The following ANO4 variants were observed in gnomAD, a reference collection of about 807,000 sequenced individuals.
The protein encoded by ANO4 is anoctamin 4.
ANO4 carries 69 observed loss-of-function variants against 141.9 expected under a neutral mutation model. That is an observed-to-expected ratio of 0.49 (90% CI 0.40 to 0.59). The LOEUF (loss-of-function observed/expected upper bound fraction) is 0.59, where lower values mean the gene tolerates loss of function less well. ANO4 is among the 20% of genes least tolerant of loss of function. The pLI, the probability that ANO4 is intolerant of heterozygous loss-of-function variation, is 0.00. For missense variants in ANO4, 894 were observed against 1,162.2 expected (o/e 0.77, Z 3.36); for synonymous variants, 350 against 394.3 (o/e 0.89, Z 1.33).
intron 1 of ANO4, among the ~76,000 whole-genome samples, chr12:100,818,357 G>C (rs1565902925): frequency 6.6e-6 from 1 of 151,786 alleles, no homozygotes; most frequent in Non-Finnish European, 1.5e-5. Flanking sequence ...TTTAATAAAG[G>C]GAATGGAGAT....
Position 101,048,033 on chromosome 12 carries a change from T to C in ANO4, c.1252-308T>C, listed in dbSNP as rs926504485. The stretch of plus-strand genomic sequence containing the variant: ...AAATATAACTATATCCATACACATA[T>C]GTACGTGTATAAGAGTTTTGTTGTG... On this transcript the variant is annotated intron_variant, in intron 13 of 27. Transcript: ENST00000392977. The C allele has an allele frequency of 3.6e-6, 4 of 1,125,536 alleles. No individual in the cohort carries two copies. In the East Asian group the frequency reaches 2.1e-4, roughly 59 times the overall value. 69.7% of individuals were successfully genotyped at this position (1,125,536 alleles called of 1,614,324 possible).
At chr12:101,085,460 A>G (rs564713340) in intron 16 of ANO4, among the ~76,000 whole-genome samples, 1 of 152,340 alleles carries the variant, frequency 6.6e-6, no homozygotes, top group African/African-American at 2.4e-5. Context: ...AACTATTTAC[A>G]TAACATTTAC....
At chr12:100,733,906 GA>G in intron 2 of ANO4, 2 of 669,834 alleles carry the variant, frequency 3.0e-6, no homozygotes, top group Non-Finnish European at 5.4e-6. Flanking sequence ...TTATTGCCTG[GA>G]AAAGCTGGAG....
rs565395887 is a variant in ANO4, at chr12:101,068,625, TAAG to T, written c.1313-10567_1313-10565del. 7 of 1,384,382 alleles carry T rather than the reference TAAG, an allele frequency of 5.1e-6. No individual in the cohort carries two copies. In the African/African-American group the frequency reaches 9.9e-5, roughly 20 times the overall value. 85.8% of individuals were successfully genotyped at this position (1,384,382 alleles called of 1,614,324 possible). A position where few individuals can be genotyped will look rare whatever the true frequency, so the allele number is the denominator to read the frequency against. On this transcript the variant is annotated intron_variant, in intron 14 of 27. Coordinates refer to ENST00000392977, the MANE Select transcript of ANO4 (RefSeq NM_001286615.2). ...CTGATGCAGTCCTTTTTACTGGAGTTAAGGAGGTAGATGACTTCTTTGAGCAAG... is the reference window on the plus strand; with the variant it reads ...CTGATGCAGTCCTTTTTACTGGAGTTGAGGTAGATGACTTCTTTGAGCAAG...
intron 15 of ANO4, among the ~76,000 whole-genome samples, chr12:101,081,738 C>T (rs1205010303): frequency 6.6e-6 from 1 of 152,114 alleles, no homozygotes; most frequent in Non-Finnish European, 1.5e-5. Context: ...GCCAAGGTGT[C>T]AGCAGGGTTG....
Position 100,925,838 on chromosome 12 carries a change from CAT to C in ANO4, c.160+3516_160+3517del, listed in dbSNP as rs1299427756. On this transcript the variant is annotated intron_variant, in intron 3 of 27. Coordinates refer to ENST00000392977, the MANE Select transcript of ANO4 (RefSeq NM_001286615.2). ...ATACATACATACATATATATACATA[CAT>C]ATATATACACACACACATATATATA... 1.0e-2 allele frequency among the ~76,000 whole-genome samples: 1,389 copies of C among 138,958 alleles called. 30 individuals carry two copies. The highest frequency in any genetic ancestry group is 0.032 in the African/African-American group (1,303 of 40,452). 91.2% of individuals were successfully genotyped at this position (138,958 alleles called of 152,430 possible).
intron 3 of ANO4, among the ~76,000 whole-genome samples, chr12:100,780,707 C>A (rs138044872): frequency 6.6e-6 from 1 of 152,092 alleles, no homozygotes; most frequent in African/African-American, 2.4e-5. Flanking sequence ...GACTGAGGGT[C>A]GGAACACAAG....
intron 17 of ANO4, among the ~76,000 whole-genome samples, chr12:101,092,899 T>C (rs940899364): frequency 3.3e-5 from 5 of 152,132 alleles, no homozygotes; most frequent in African/African-American, 1.2e-4. Context: ...AAAGGTTGTC[T>C]CATCAGTCAA....
At chr12:101,107,790 T>C (rs573040925) in intron 22 of ANO4, among the ~76,000 whole-genome samples, 1 of 152,164 alleles carries the variant, frequency 6.6e-6, no homozygotes, top group East Asian at 1.9e-4. Context: ...ACCAACATTT[T>C]AGGCACACTG....
intron 1 of ANO4, among the ~76,000 whole-genome samples, chr12:100,860,454 A>G (rs1019842408): frequency 6.6e-6 from 1 of 152,044 alleles, no homozygotes; most frequent in Non-Finnish European, 1.5e-5. Context: ...GCCAGCTCCT[A>G]TTTTATCTGT....
chr12:100,957,000 G>A (rs2136223020), intron 5 of ANO4, among the ~76,000 whole-genome samples: 1 of 152,322 alleles, frequency 6.6e-6, no homozygotes, highest in Admixed American at 6.5e-5. Flanking sequence ...TCTTTTTAAG[G>A]AAAGGGAGTT....
At chr12:101,056,915 T>TTTTTTTTTTTTTTTTTTTTTTTTTTG (rs1555290136) in intron 14 of ANO4, among the ~76,000 whole-genome samples, 5 of 148,736 alleles carry the variant, frequency 3.4e-5, no homozygotes, top group East Asian at 1.9e-4. Context: ...GCAGGTTTCT[T>TTTTTTTTTTTTTTTTTTTTTTTTTTG]ACATAGGTAT....
At position 100,922,320 on chromosome 12, in the gene ANO4, A is replaced by G; in HGVS notation, c.150A>G (p.Ala50=). Residue 50 remains alanine (A), a synonymous_variant, in exon 3 of 28, where the codon GCA becomes GCG. Coordinates refer to ENST00000392977, the MANE Select transcript of ANO4 (RefSeq NM_001286615.2). ...SDVDFSEILN[A]IQEMAKDVNI... The stretch of plus-strand genomic sequence containing the variant: ...TGGACTTTTCAGAGATTCTTAATGC[A>G]ATACAAGAAAGTAAGTTTCACTCAA... 6.5e-6 allele frequency: 10 copies of G among 1,527,180 alleles called. No homozygotes were observed. The highest frequency in any genetic ancestry group is 7.9e-6 in the Non-Finnish European group (9 of 1,144,046). The allele number at this position is 1,527,180 out of a possible 1,614,324, so 94.6% of individuals were successfully genotyped here.
At chr12:100,811,291 T>C (rs1261886164) in intron 1 of ANO4, among the ~76,000 whole-genome samples, 1 of 152,172 alleles carries the variant, frequency 6.6e-6, no homozygotes, top group East Asian at 1.9e-4. Context: ...AAAGCCGAGA[T>C]ACTTTTTTTC....
intron 7 of ANO4, among the ~76,000 whole-genome samples, chr12:100,980,130 C>A (rs1167994462): frequency 6.6e-6 from 1 of 152,162 alleles, no homozygotes; most frequent in African/African-American, 2.4e-5. Flanking sequence ...GCGCACACAT[C>A]ACAACTACAG....
chr12:101,078,465 T>C (rs187614230), intron 14 of ANO4, among the ~76,000 whole-genome samples: 77 of 152,350 alleles, frequency 5.1e-4, no homozygotes, highest in Non-Finnish European at 8.8e-4. Context: ...TTTAAGTTGA[T>C]ATGCTTTCAT....
chr12:100,895,786 T>C (rs1243527356), intron 1 of ANO4, among the ~76,000 whole-genome samples: 1 of 152,026 alleles, frequency 6.6e-6, no homozygotes, highest in Non-Finnish European at 1.5e-5. Context: ...GGCCTCAAAC[T>C]CCTGACCTCA....
At chr12:100,915,786 A>G (rs185653142) in intron 2 of ANO4, among the ~76,000 whole-genome samples, 31 of 152,288 alleles carry the variant, frequency 2.0e-4, no homozygotes, top group African/African-American at 7.2e-4. Flanking sequence ...CATTTTTTCA[A>G]TGAGAAAGAT....
At chr12:100,795,542 C>T (rs1326483641) in intron 1 of ANO4, among the ~76,000 whole-genome samples, 1 of 152,160 alleles carries the variant, frequency 6.6e-6, no homozygotes, top group African/African-American at 2.4e-5. Context: ...TGGGATGACC[C>T]TATATCTTGT....
Sources: gnomAD v4.1 joint callset for allele counts (sites outside exome capture counted in the v4.1 genomes callset) on GRCh38, gnomAD v4.1.1 for gene constraint, MANE v1.5 for transcripts, NCBI Gene and HGNC (gene_info 2026-07-23, HGNC 2026-07-21) for gene names.